The following METTL15 variants were observed in gnomAD, a reference collection of about 807,000 sequenced individuals.
METTL15 encodes the protein 12S rRNA N(4)-cytidine methyltransferase METTL15.
METTL15 carries 34 observed loss-of-function variants against 38.3 expected under a neutral mutation model. The ratio of observed to expected loss-of-function variants is 0.89; its 90% CI spans 0.68 to 1.18. METTL15 has a LOEUF of 1.18. Among genes scored for constraint, METTL15 ranks in the 50% most tolerant of loss-of-function variants. METTL15 has a pLI of 0.00. For missense variants in METTL15, 438 were observed against 498.4 expected (o/e 0.88, Z 1.15); for synonymous variants, 162 against 170.9 (o/e 0.95, Z 0.41).
intron 4 of METTL15, among the ~76,000 whole-genome samples, chr11:28,234,217 G>C (rs987022074): frequency 6.6e-6 from 1 of 152,024 alleles, no homozygotes; most frequent in African/African-American, 2.4e-5. Flanking sequence ...TTGGACATTT[G>C]GGTTGGTTCC....
At chr11:28,250,488 A>G (rs1005730536) in intron 4 of METTL15, among the ~76,000 whole-genome samples, 3 of 151,992 alleles carry the variant, frequency 2.0e-5, no homozygotes, top group South Asian at 4.1e-4. Context: ...ATTTTTTCAT[A>G]TGCCTTTGGC....
intron 5 of METTL15, among the ~76,000 whole-genome samples, chr11:28,404,116 A>T (rs1411315754): frequency 2.6e-5 from 4 of 152,100 alleles, no homozygotes; most frequent in African/African-American, 2.4e-5. Flanking sequence ...AAAACCCATA[A>T]GCAATATTTT....
intron 4 of METTL15, among the ~76,000 whole-genome samples, chr11:28,285,666 T>C (rs1856230698): frequency 6.6e-6 from 1 of 152,172 alleles, no homozygotes; most frequent in African/African-American, 2.4e-5. Flanking sequence ...GGTTAATCTT[T>C]CTCTCTACTT....
intron 5 of METTL15, among the ~76,000 whole-genome samples, chr11:28,291,275 A>G (rs1856503513): frequency 1.3e-5 from 2 of 151,996 alleles, no homozygotes; most frequent in African/African-American, 4.8e-5. Flanking sequence ...GGATCTCCTG[A>G]CCTCAAGTGA....
chr11:28,380,509 A>G (rs938899981), intron 5 of METTL15, among the ~76,000 whole-genome samples: 13 of 151,938 alleles, frequency 8.6e-5, no homozygotes, highest in Admixed American at 5.9e-4. Context: ...TATTACTGCT[A>G]TTTTGTTGCT....
At chr11:28,367,040 A>C (rs1400810295) in intron 5 of METTL15, among the ~76,000 whole-genome samples, 1 of 152,190 alleles carries the variant, frequency 6.6e-6, no homozygotes, top group Non-Finnish European at 1.5e-5. Flanking sequence ...TCAGGAAAAA[A>C]TAAATGTCCA....
At chr11:28,529,817 G>A (rs1851834084), downstream of METTL15, among the ~76,000 whole-genome samples, 1 of 152,036 alleles carries the variant, frequency 6.6e-6, no homozygotes, top group African/African-American at 2.4e-5. Flanking sequence ...AAATTTTTGT[G>A]TATATTGACT....
chr11:28,196,607 T>G (rs1468563386), intron 3 of METTL15, among the ~76,000 whole-genome samples: 1 of 151,974 alleles, frequency 6.6e-6, no homozygotes, highest in Non-Finnish European at 1.5e-5. Context: ...AAAGATAGTT[T>G]AGGTTTTTCT....
intron 6 of METTL15, among the ~76,000 whole-genome samples, chr11:28,426,678 A>G (rs1850868396): frequency 7.2e-6 from 1 of 139,174 alleles, no homozygotes; most frequent in Non-Finnish European, 1.5e-5. Flanking sequence ...GCATTTCTCT[A>G]ATGATCAGTG....
chr11:28,139,493 CAG>C (rs983266959), intron 3 of METTL15, among the ~76,000 whole-genome samples: 3 of 152,118 alleles, frequency 2.0e-5, no homozygotes, highest in Non-Finnish European at 4.4e-5. Context: ...CCCTTGTTAA[CAG>C]GGGGCCTAGG....
chr11:28,176,568 A>G (rs1301371882), intron 3 of METTL15, among the ~76,000 whole-genome samples: 2 of 152,178 alleles, frequency 1.3e-5, no homozygotes, highest in Non-Finnish European at 2.9e-5. Context: ...AGCATGTGGT[A>G]CCTAATAAGT....
At chr11:28,186,894 G>C (rs982610195) in intron 3 of METTL15, among the ~76,000 whole-genome samples, 7 of 150,994 alleles carry the variant, frequency 4.6e-5, no homozygotes, top group African/African-American at 1.7e-4. Flanking sequence ...GCACGAATGA[G>C]TTAATCTCTA....
intron 2 of METTL15, among the ~76,000 whole-genome samples, chr11:28,110,998 A>G (rs953064884): frequency 5.9e-5 from 9 of 152,174 alleles, no homozygotes; most frequent in African/African-American, 1.7e-4. Flanking sequence ...GGAGAGCTCC[A>G]AGTTGTCTGG....
At chr11:28,475,046 A>C (rs1319042981) in intron 6 of METTL15, among the ~76,000 whole-genome samples, 5 of 152,118 alleles carry the variant, frequency 3.3e-5, no homozygotes, top group African/African-American at 1.2e-4. Context: ...TGGTTATTTG[A>C]ACTGGATCTG....
chr11:28,151,943 C>T (rs2133688388), intron 3 of METTL15, among the ~76,000 whole-genome samples: 2 of 152,098 alleles, frequency 1.3e-5, no homozygotes, highest in Admixed American at 1.3e-4. Context: ...CACCCTCTTC[C>T]TTCAGATTTC....
chr11:28,200,297 GTGA>G (rs1852061994), intron 3 of METTL15, among the ~76,000 whole-genome samples: 1 of 152,088 alleles, frequency 6.6e-6, no homozygotes, highest in Non-Finnish European at 1.5e-5. Context: ...TTGTAAAATA[GTGA>G]TGATAATAAT....
intron 5 of METTL15, among the ~76,000 whole-genome samples, chr11:28,417,057 G>C (rs1294534157): frequency 7.9e-5 from 12 of 152,140 alleles, no homozygotes; most frequent in Non-Finnish European, 8.8e-5. Flanking sequence ...ATTAATCACA[G>C]CTATTTGGAG....
intron 6 of METTL15, among the ~76,000 whole-genome samples, chr11:28,435,772 C>A (rs1564931003): frequency 6.6e-6 from 1 of 152,172 alleles, no homozygotes; most frequent in African/African-American, 2.4e-5. Flanking sequence ...TCTTCTAAGC[C>A]CTTTTGCATA....
intron 5 of METTL15, among the ~76,000 whole-genome samples, chr11:28,292,193 TG>T (rs1172854058): frequency 2.8e-5 from 4 of 145,270 alleles, no homozygotes; most frequent in African/African-American, 1.0e-4. Flanking sequence ...TATCTCCTAA[TG>T]CTATCCCTCC....
Sources: allele counts gnomAD v4.1 joint callset (sites outside exome capture counted in the v4.1 genomes callset), GRCh38; gene constraint gnomAD v4.1.1; transcripts MANE v1.5; gene names NCBI Gene and HGNC (gene_info 2026-07-23, HGNC 2026-07-21).